The following GRID1 variants were observed in gnomAD, a reference collection of about 807,000 sequenced individuals.
GRID1 encodes glutamate ionotropic receptor delta type subunit 1.
GRID1 carries 28 observed loss-of-function variants against 98.0 expected under a neutral mutation model. The ratio of observed to expected loss-of-function variants is 0.29; its 90% confidence interval spans 0.21 to 0.39. GRID1 has a LOEUF of 0.39. Ranked by LOEUF, GRID1 falls within the 10% of genes least tolerant of loss-of-function variation. The pLI, the probability that GRID1 is intolerant of heterozygous loss-of-function variation, is 1.00. For missense variants in GRID1, 1,111 were observed against 1,340.5 expected, an observed-to-expected ratio of 0.83 and a Z score of 2.67; for synonymous variants, 553 against 538.5, an observed-to-expected ratio of 1.03 and a Z score of -0.37.
At chr10:85,873,721 T>G (rs140100262) in intron 5 of GRID1, among the ~76,000 whole-genome samples, 1 of 152,222 alleles carries the variant, frequency 6.6e-6, no homozygotes, top group Non-Finnish European at 1.5e-5. Context: ...AGCTAAACAA[T>G]GTGTATGCCT....
At chr10:86,314,562 T>C (rs958593669) in intron 2 of GRID1, among the ~76,000 whole-genome samples, 8 of 152,126 alleles carry the variant, frequency 5.3e-5, no homozygotes, top group Non-Finnish European at 8.8e-5. Flanking sequence ...TCTGGGGGCA[T>C]TTCCTGCCAG....
chr10:85,648,192 G>C (rs992483750), intron 12 of GRID1: 1 of 152,224 alleles, frequency 6.6e-6, no homozygotes, highest in Non-Finnish European at 1.5e-5. Flanking sequence ...CACATTTGAG[G>C]GGGGATTTCA....
At chr10:85,932,797 G>A (rs1224900094) in intron 4 of GRID1, among the ~76,000 whole-genome samples, 2 of 152,170 alleles carry the variant, frequency 1.3e-5, no homozygotes, top group African/African-American at 4.8e-5. Flanking sequence ...ATGCAAGGTG[G>A]CTGGACCAGG....
chr10:86,146,463 G>A (rs543730327), intron 3 of GRID1, among the ~76,000 whole-genome samples: 5 of 152,214 alleles, frequency 3.3e-5, no homozygotes, highest in African/African-American at 4.8e-5. Context: ...TGTTGCAAGC[G>A]GAGCAGGTAT....
chr10:85,867,459 T>G (rs931338710), intron 6 of GRID1, among the ~76,000 whole-genome samples: 1 of 151,416 alleles, frequency 6.6e-6, no homozygotes, highest in Non-Finnish European at 1.5e-5. Context: ...GGGATTCCCC[T>G]CTCCCGCTGC....
chr10:85,777,510 CA>C (rs1447163320), intron 8 of GRID1, among the ~76,000 whole-genome samples: 1 of 152,186 alleles, frequency 6.6e-6, no homozygotes, highest in South Asian at 2.1e-4. Context: ...TAAGAGCTTC[CA>C]GGTGATTCTA....
intron 2 of GRID1, among the ~76,000 whole-genome samples, chr10:86,303,482 G>T (rs947517147): frequency 3.3e-5 from 5 of 152,184 alleles, no homozygotes; most frequent in Admixed American, 3.3e-4. Flanking sequence ...GAGGGGCACA[G>T]GGAAGAAGCA....
chr10:86,213,956 C>T (rs1846141617), intron 2 of GRID1, among the ~76,000 whole-genome samples: 1 of 152,146 alleles, frequency 6.6e-6, no homozygotes, highest in African/African-American at 2.4e-5. Flanking sequence ...CTTTATCTCC[C>T]AAATATATCT....
intron 4 of GRID1, among the ~76,000 whole-genome samples, chr10:86,124,922 C>G (rs139273054): frequency 2.1e-3 from 313 of 152,298 alleles, no homozygotes; most frequent in African/African-American, 7.1e-3. Flanking sequence ...CAGTTCCCTC[C>G]GGGCCTGGCT....
intron 2 of GRID1, among the ~76,000 whole-genome samples, chr10:86,313,429 C>T (rs965678915): frequency 6.6e-6 from 1 of 152,158 alleles, no homozygotes; most frequent in African/African-American, 2.4e-5. Flanking sequence ...GAACCCAGTC[C>T]CTCTGGCCCT....
intron 4 of GRID1, among the ~76,000 whole-genome samples, chr10:85,927,702 A>G (rs977478923): frequency 7.9e-5 from 12 of 152,202 alleles, no homozygotes; most frequent in Non-Finnish European, 1.3e-4. Context: ...AAACACATCA[A>G]TATTTCACAG....
At chr10:86,059,804 G>A (rs998507058) in intron 4 of GRID1, among the ~76,000 whole-genome samples, 3 of 152,084 alleles carry the variant, frequency 2.0e-5, no homozygotes, top group African/African-American at 7.2e-5. Flanking sequence ...TTCTAAACAA[G>A]TCTTTTACAA....
intron 12 of GRID1, among the ~76,000 whole-genome samples, chr10:85,699,880 T>C (rs1442017528): frequency 6.6e-6 from 1 of 152,266 alleles, no homozygotes; most frequent in East Asian, 1.9e-4. Context: ...ACAAATGTGA[T>C]GTTTCCAGTG....
chr10:86,140,606 A>C (rs916836329), intron 3 of GRID1, among the ~76,000 whole-genome samples: 2 of 152,206 alleles, frequency 1.3e-5, no homozygotes, highest in African/African-American at 4.8e-5. Context: ...CATCGTAATG[A>C]GGGTGCTGGG....
intron 2 of GRID1, among the ~76,000 whole-genome samples, chr10:86,295,311 G>A (rs1847572729): frequency 6.6e-6 from 1 of 152,098 alleles, no homozygotes; most frequent in Admixed American, 6.6e-5. Flanking sequence ...AGGAGAGGAG[G>A]GAGAGAACTG....
At chr10:85,842,025 G>T (rs139070994) in intron 8 of GRID1, among the ~76,000 whole-genome samples, 7 of 152,130 alleles carry the variant, frequency 4.6e-5, no homozygotes, top group Admixed American at 2.0e-4. Context: ...ACATGCATGT[G>T]TATGTTCACT....
chr10:85,774,206 G>C (rs887043209), intron 8 of GRID1, among the ~76,000 whole-genome samples: 13 of 152,146 alleles, frequency 8.5e-5, no homozygotes, highest in South Asian at 2.1e-4. Flanking sequence ...ACAAACCTGA[G>C]AAAAACAAGC....
intron 8 of GRID1, among the ~76,000 whole-genome samples, chr10:85,731,548 C>T (rs1302584037): frequency 1.3e-5 from 2 of 151,614 alleles, no homozygotes; most frequent in East Asian, 1.9e-4. Context: ...TGCCTGCAAT[C>T]CCAGCATTTC....
At chr10:85,720,420 A>T (rs1041796051) in intron 12 of GRID1, among the ~76,000 whole-genome samples, 2 of 152,116 alleles carry the variant, frequency 1.3e-5, no homozygotes, top group Non-Finnish European at 2.9e-5. Context: ...ACCCTATAGT[A>T]AGGCTTACGC....
Sources: gnomAD v4.1 joint callset for allele counts (sites outside exome capture counted in the v4.1 genomes callset) on GRCh38, gnomAD v4.1.1 for gene constraint, MANE v1.5 for transcripts, NCBI Gene and HGNC (gene_info 2026-07-23, HGNC 2026-07-21) for gene names.